ZBTB5: variants seen among roughly 807,000 people sequenced by gnomAD.
ZBTB5 encodes the protein zinc finger and BTB domain-containing protein 5.
Under a neutral mutation model 37.9 loss-of-function variants are expected in ZBTB5, and 15 were observed. The observed-to-expected ratio is 0.40, with a 90% CI of 0.26 to 0.61. ZBTB5 has a LOEUF of 0.61. Ranked by LOEUF, ZBTB5 falls within the 20% of genes least tolerant of loss-of-function variation. The pLI, the probability that ZBTB5 is intolerant of heterozygous loss-of-function variation, is 0.47. For missense variants in ZBTB5, 708 were observed against 856.8 expected, an observed-to-expected ratio of 0.83 and a Z score of 2.17; for synonymous variants, 315 against 312.4, an observed-to-expected ratio of 1.01 and a Z score of -0.09.
chr9:37,443,513 T>G (rs910229208), intron 1 of ZBTB5, among the ~76,000 whole-genome samples: 3 of 151,990 alleles, frequency 2.0e-5, no homozygotes, highest in Non-Finnish European at 4.4e-5. Flanking sequence ...TAAAACAACC[T>G]AACATATATA....
Position 37,441,733 on chromosome 9 carries a change from G to A in ZBTB5, c.819C>T (p.Pro273=). 1.2e-6 allele frequency: 2 copies of A among 1,613,996 alleles called. No individual in the cohort carries two copies. Among genetic ancestry groups the A allele is most frequent in the Non-Finnish European group, 1.7e-6 (2 of 1,180,012 alleles). The change falls in exon 2 of 2, where the codon CCC becomes CCT. Residue 273 remains proline, a synonymous_variant. Transcript: ENST00000307750. ...TGCCAGCACTGTTATCAGACTGGCT[G>A]GGCACCTGGGCATCTTCTTGAGTGC... ...SFGTQEDAQV[P]SQSDNSAGNM...
chr9:37,461,788 T>A (rs997819562), intron 1 of ZBTB5, among the ~76,000 whole-genome samples: 13 of 152,192 alleles, frequency 8.5e-5, no homozygotes, highest in Non-Finnish European at 1.9e-4. Context: ...CCATACAAAG[T>A]AACAGATTAC....
chr9:37,464,506 T>TA lies in ZBTB5; in HGVS notation c.-5+708dup, dbSNP rs201650927. On this transcript the variant is annotated intron_variant, in intron 1 of 1. Transcript: ENST00000307750. Reference sequence around the variant, plus strand: ...CACTATGCCAGAATGCTGACTGACTTAAAAAAAAATGACCATTATGAAAGG... The same window carrying TA: ...CACTATGCCAGAATGCTGACTGACTTAAAAAAAAAATGACCATTATGAAAGG... Among the ~76,000 whole-genome samples the TA allele has an allele frequency of 6.8e-3, 1,034 of 151,382 alleles. 10 individuals carry two copies. Among genetic ancestry groups the TA allele is most frequent in the African/African-American group, 0.023 (965 of 41,282 alleles).
chr9:37,459,553 G>A (rs1004394069), intron 1 of ZBTB5, among the ~76,000 whole-genome samples: 9 of 150,494 alleles, frequency 6.0e-5, no homozygotes, highest in Non-Finnish European at 1.3e-4. Flanking sequence ...GACAGATCAA[G>A]AAACTTTTTT....
At chr9:37,462,708 C>T (rs1170772072) in intron 1 of ZBTB5, among the ~76,000 whole-genome samples, 4 of 151,952 alleles carry the variant, frequency 2.6e-5, no homozygotes, top group East Asian at 1.9e-4. Flanking sequence ...GGATTACAGG[C>T]GCACGTCACC....
intron 1 of ZBTB5, among the ~76,000 whole-genome samples, chr9:37,461,760 G>T (rs1257333747): frequency 6.6e-6 from 1 of 151,922 alleles, no homozygotes; most frequent in Non-Finnish European, 1.5e-5. Flanking sequence ...AGGAATAAAG[G>T]CATTTGTAAA....
chr9:37,449,984 T>C (rs561445683), intron 1 of ZBTB5, among the ~76,000 whole-genome samples: 1 of 152,204 alleles, frequency 6.6e-6, no homozygotes, highest in South Asian at 2.1e-4. Context: ...GAAAGCCCAT[T>C]TGCATAATAA....
At position 37,442,432 on chromosome 9, in the gene ZBTB5, G is replaced by A. The variant is rs758425663; in HGVS notation, c.120C>T (p.Ser40=). 1.5e-5 allele frequency: 25 copies of A among 1,613,978 alleles called. No homozygotes were observed. Among genetic ancestry groups the A allele is most frequent in the Admixed American group, 8.3e-5 (5 of 60,004 alleles). ...VGNRHFKAHR[S]VLAACSTHFR... is the part of the protein sequence containing the mutation. ...AATGCGTGCTGCATGCTGCCAGCACGGAGCGGTGGGCTTTAAAGTGTCTAT... is the reference window on the plus strand; with the variant it reads ...AATGCGTGCTGCATGCTGCCAGCACAGAGCGGTGGGCTTTAAAGTGTCTAT... Residue 40 remains serine, a synonymous_variant, in exon 2 of 2, where the codon TCC becomes TCT. Coordinates refer to ENST00000307750, the MANE Select transcript of ZBTB5 (RefSeq NM_014872.3).
intron 1 of ZBTB5, among the ~76,000 whole-genome samples, chr9:37,447,737 C>A (rs961241172): frequency 6.6e-6 from 1 of 151,730 alleles, no homozygotes; most frequent in African/African-American, 2.4e-5. Context: ...AAAAGACTGA[C>A]TTCACAAATA....
At chr9:37,459,305 A>G (rs1030535613) in intron 1 of ZBTB5, among the ~76,000 whole-genome samples, 1 of 152,014 alleles carries the variant, frequency 6.6e-6, no homozygotes, top group African/African-American at 2.4e-5. Flanking sequence ...CTAAAAATAC[A>G]AAAAATTGGT....
chr9:37,454,581 CCATTA>C (rs1355887300), intron 1 of ZBTB5, among the ~76,000 whole-genome samples: 3 of 152,318 alleles, frequency 2.0e-5, no homozygotes, highest in African/African-American at 7.2e-5. Flanking sequence ...TCATTACTGT[CCATTA>C]CATTAACATG....
In ZBTB5 at chr9:37,441,226, A is replaced by C. The variant is rs772103361; in HGVS notation, c.1326T>G (p.Ser442Arg). ...PNTTSDCRLE[S>R]EAPYLLSPEA... ...CTGGACTCAACAAATAGGGGGCCTC[A>C]CTCTCCAGCCTGCAGTCACTAGTGG... Residue 442 changes from serine to arginine, a missense_variant, in exon 2 of 2, where the codon AGT becomes AGG. Physicochemically the swap from Ser to Arg is moderately radical, Grantham distance 110. Around this residue, in one of 3 missense-constraint regions of ZBTB5, gnomAD observed 639 missense variants for 690.5 expected, o/e 0.93. Coordinates refer to ENST00000307750, the MANE Select transcript of ZBTB5 (RefSeq NM_014872.3). The C allele has an allele frequency of 4.3e-6, 7 of 1,614,010 alleles. No homozygotes were observed. Among genetic ancestry groups the C allele is most frequent in the Non-Finnish European group, 5.9e-6 (7 of 1,179,984 alleles).
Position 37,441,935 on chromosome 9 carries a change from C to G in ZBTB5, c.617G>C (p.Arg206Pro), listed in dbSNP as rs760736656. The change falls in exon 2 of 2, where the codon CGA becomes CCA. Residue 206 changes from arginine to proline, a missense_variant. This residue lies in a region of ZBTB5 where 639 missense variants were observed against 690.5 expected (regional missense o/e 0.93). Coordinates refer to ENST00000307750, the MANE Select transcript of ZBTB5 (RefSeq NM_014872.3). ...SAEERARQRL[R>P]PSIDESAISD... ...AATGGCAGACTCATCTATGGAGGGT[C>G]GGAGGCGCTGCCTGGCCCGCTCCTC... The G allele has an allele frequency of 3.1e-6, 5 of 1,614,060 alleles. No individual in the cohort carries two copies. The Admixed American group carries it at 8.3e-5, about 27-fold the overall frequency.
chr9:37,442,268 T>C lies in ZBTB5; in HGVS notation c.284A>G (p.Asn95Ser), dbSNP rs757152895. The change falls in exon 2 of 2, where the codon AAT (asparagine) becomes AGT (serine). Residue 95 changes from asparagine to serine, a missense_variant. By Grantham distance (46) the Asn-to-Ser change is conservative (BLOSUM62 1). This residue lies in a region of ZBTB5 where 639 missense variants were observed against 690.5 expected (regional missense o/e 0.93). Coordinates refer to ENST00000307750, the MANE Select transcript of ZBTB5 (RefSeq NM_014872.3). ...YTSTLMLGES[N>S]VMDVLLAASH... ...GGCTGCCAATAAGACATCCATTACA[T>C]TGCTCTCCCCCAGCATGAGGGTGGA... 2 of 1,614,044 alleles carry C rather than the reference T, an allele frequency of 1.2e-6. No homozygotes were observed. Among genetic ancestry groups the C allele is most frequent in the Admixed American group, 1.7e-5 (1 of 59,996 alleles).
chr9:37,453,252 G>C (rs1451989074), intron 1 of ZBTB5, among the ~76,000 whole-genome samples: 4 of 152,124 alleles, frequency 2.6e-5, no homozygotes, highest in Admixed American at 2.6e-4. Flanking sequence ...TGCTGGCACA[G>C]TTATAGCTCA....
chr9:37,461,200 G>A lies in ZBTB5; in HGVS notation c.-5+4015C>T, dbSNP rs114531170. Among the ~76,000 whole-genome samples the A allele has an allele frequency of 4.1e-3, 617 of 152,250 alleles. 7 individuals are homozygous for A. Among genetic ancestry groups the A allele is most frequent in the African/African-American group, 0.014 (592 of 41,548 alleles). On this transcript the variant is annotated intron_variant, in intron 1 of 1. Coordinates refer to ENST00000307750, the MANE Select transcript of ZBTB5 (RefSeq NM_014872.3). ...TTCTGGGCTCCTCCCACAACCAAATGCCCAAACACTGGATTTTGTTTTCCT... is the reference window on the plus strand; with the variant it reads ...TTCTGGGCTCCTCCCACAACCAAATACCCAAACACTGGATTTTGTTTTCCT...
At position 37,440,331 on chromosome 9, in the gene ZBTB5, C is replaced by A. The variant is rs141173742; in HGVS notation, c.*187G>T. ...GGTTTCAGGGATTGCATCCCTTTCC[C>A]AAGACGTGCACTTCACTCAGAAATG... On this transcript the variant is annotated 3_prime_UTR_variant, in exon 2 of 2. Coordinates refer to ENST00000307750, the MANE Select transcript of ZBTB5 (RefSeq NM_014872.3). 137 of 584,844 alleles carry A rather than the reference C, an allele frequency of 2.3e-4. No homozygotes were observed. Among genetic ancestry groups the A allele is most frequent in the Non-Finnish European group, 3.8e-4 (127 of 335,342 alleles). The allele number at this position is 584,844 out of a possible 1,614,324, so 36.2% of individuals were successfully genotyped here.
At chr9:37,447,941 G>T (rs996455863) in intron 1 of ZBTB5, among the ~76,000 whole-genome samples, 1 of 151,864 alleles carries the variant, frequency 6.6e-6, no homozygotes, top group Admixed American at 6.6e-5. Flanking sequence ...AAGATTACCT[G>T]AGCCTAGGAG....
rs886683161 is a variant in ZBTB5, at chr9:37,465,367, C to A, written c.-157G>T. 1.3e-5 allele frequency: 2 copies of A among 151,682 alleles called. No individual in the cohort carries two copies. The highest frequency in any genetic ancestry group is 4.9e-5 in the African/African-American group (2 of 41,234). The allele number at this position is 151,682 out of a possible 1,614,324, so 9.4% of individuals were successfully genotyped here. A position where few individuals can be genotyped will look rare whatever the true frequency, so the allele number is the denominator to read the frequency against. ...TTCCACCCGCCCCCCTCCCACCCCG[C>A]CTCTAGTCCCCTAGCTCCTCCAGCC... On this transcript the variant is annotated 5_prime_UTR_variant, in exon 1 of 2. Coordinates refer to ENST00000307750, the MANE Select transcript of ZBTB5 (RefSeq NM_014872.3).
Sources: allele counts gnomAD v4.1 joint callset (sites outside exome capture counted in the v4.1 genomes callset), GRCh38; gene constraint gnomAD v4.1.1; regional missense constraint gnomAD v4.1.1; transcripts MANE v1.5; gene names NCBI Gene and HGNC (gene_info 2026-07-23, HGNC 2026-07-21).